TRPM2: variants seen among roughly 807,000 people sequenced by gnomAD.
TRPM2 encodes transient receptor potential cation channel subfamily M member 2.
A neutral mutation model predicts 174.0 loss-of-function variants in TRPM2; 161 were observed. The observed-to-expected ratio is 0.93, with a 90% CI of 0.81 to 1.05. TRPM2 has a LOEUF of 1.05. TRPM2 is among the 50% of genes least tolerant of loss of function. The pLI is 0.00. For missense variants in TRPM2, 2,057 were observed against 2,038.0 expected (o/e 1.01, Z -0.18); for synonymous variants, 954 against 861.3 (o/e 1.11, Z -1.88).
rs2048406383 is a variant in TRPM2, at chr21:44,367,888, C to T, written c.604+954C>T. On this transcript the variant is annotated intron_variant, in intron 4 of 31. Coordinates refer to ENST00000397928, the MANE Select transcript of TRPM2 (RefSeq NM_003307.4). The surrounding 1 kb of genome is among the most constrained non-coding windows in gnomAD (Gnocchi z 4.6). Reference sequence around the variant, plus strand: ...TAAAATGACCAGACCTTTTCTCAGCCTGGTCACATGGGACTGGGTTTAACG... The same window carrying T: ...TAAAATGACCAGACCTTTTCTCAGCTTGGTCACATGGGACTGGGTTTAACG... Among the ~76,000 whole-genome samples, 1 of 152,210 alleles carries T rather than the reference C, an allele frequency of 6.6e-6. No homozygotes were observed. Among genetic ancestry groups the T allele is most frequent in the Non-Finnish European group, 1.5e-5 (1 of 68,044 alleles).
chr21:44,398,563 G>A (rs1380934951), intron 13 of TRPM2, among the ~76,000 whole-genome samples: 1 of 152,070 alleles, frequency 6.6e-6, no homozygotes, highest in Non-Finnish European at 1.5e-5. Flanking sequence ...AGTACTGATT[G>A]GTTGGGCCAG....
rs2276094 is a variant in TRPM2, at chr21:44,382,522, C to T, written c.1216-196C>T. On this transcript the variant is annotated intron_variant, in intron 8 of 31. Transcript: ENST00000397928. ...GTGTTTTCCACCCAACAGACTCTCA[C>T]GAACATGATGTATTTGGTCCCCATG... 6.6e-3 allele frequency among the ~76,000 whole-genome samples: 1,001 copies of T among 152,244 alleles called. 13 individuals are homozygous for T. Among genetic ancestry groups the T allele is most frequent in the Admixed American group, 0.022 (333 of 15,292 alleles).
rs1323137608 is a variant in TRPM2, at chr21:44,354,700, T to A, written c.218T>A (p.Val73Glu). 6.2e-7 allele frequency: 1 copy of A among 1,614,134 alleles called. No homozygotes were observed. Among genetic ancestry groups the A allele is most frequent in the Non-Finnish European group, 8.5e-7 (1 of 1,180,008 alleles). ...IPENIKKKEC[V>E]YFVESSKLSD... The stretch of plus-strand genomic sequence containing the variant: ...GAAAACATCAAGAAGAAAGAATGCG[T>A]GTATTTTGTGGAAAGTTCCAAACTG... The change falls in exon 2 of 32, where the codon GTG becomes GAG. Residue 73 changes from valine to glutamate, a missense_variant. Val to Glu is a moderately radical substitution (Grantham distance 121). Coordinates refer to ENST00000397928, the MANE Select transcript of TRPM2 (RefSeq NM_003307.4). This position sits in a 1 kb window ranked among gnomAD's most constrained non-coding sequence, Gnocchi z 4.3.
chr21:44,379,739 G>T (rs1483168019), intron 8 of TRPM2, among the ~76,000 whole-genome samples: 1 of 152,178 alleles, frequency 6.6e-6, no homozygotes, highest in Non-Finnish European at 1.5e-5. Flanking sequence ...GCCAGCCCTG[G>T]CCACCCCACC....
Position 44,417,171 on chromosome 21 carries a change from CTG to C in TRPM2, c.3147-753_3147-752del, listed in dbSNP as rs1327812575. Among the ~76,000 whole-genome samples, 9 of 137,506 alleles carry C rather than the reference CTG, an allele frequency of 6.5e-5. 1 individual carries two copies. Among genetic ancestry groups the C allele is most frequent in the Non-Finnish European group, 9.3e-5 (6 of 64,256 alleles). 90.2% of individuals were successfully genotyped at this position (137,506 alleles called of 152,430 possible). A position where few individuals can be genotyped will look rare whatever the true frequency, so the allele number is the denominator to read the frequency against. ...GGGCACGTGGGCGTGGCTCTGCTATCTGTGGCATCACAGTGGGCACGTGGGCG... is the reference window on the plus strand; with the variant it reads ...GGGCACGTGGGCGTGGCTCTGCTATCTGGCATCACAGTGGGCACGTGGGCG... On this transcript the variant is annotated intron_variant, in intron 20 of 31. Coordinates refer to ENST00000397928, the MANE Select transcript of TRPM2 (RefSeq NM_003307.4).
chr21:44,401,430 G>T (rs929212342), intron 15 of TRPM2, among the ~76,000 whole-genome samples: 6 of 152,180 alleles, frequency 3.9e-5, no homozygotes, highest in African/African-American at 1.4e-4. Flanking sequence ...GCGTCAGCGG[G>T]CATCCCTGTG....
chr21:44,375,201 C>T (rs1032977418), intron 5 of TRPM2, among the ~76,000 whole-genome samples: 7 of 152,228 alleles, frequency 4.6e-5, no homozygotes, highest in Middle Eastern at 3.2e-3. Flanking sequence ...TGAGCCACCG[C>T]GCCCGTCTCC....
In TRPM2 at chr21:44,376,614, A is replaced by G. The variant is rs1454099038; in HGVS notation, c.952+601A>G. On this transcript the variant is annotated intron_variant, in intron 6 of 31. Transcript: ENST00000397928. The surrounding 1 kb of genome is among the most constrained non-coding windows in gnomAD (Gnocchi z 4.2). ...AGAAATCAGAATGTACGATAGTCAA[A>G]ACTTAGGATTTGATACCTTTTTCCT... is the stretch of plus-strand genomic sequence containing the variant. Among the ~76,000 whole-genome samples, 1 of 152,192 alleles carries G rather than the reference A, an allele frequency of 6.6e-6. No homozygotes were observed. Among genetic ancestry groups the G allele is most frequent in the Non-Finnish European group, 1.5e-5 (1 of 68,038 alleles).
At chr21:44,383,223 T>G (rs1007964875) in intron 9 of TRPM2, among the ~76,000 whole-genome samples, 1 of 152,050 alleles carries the variant, frequency 6.6e-6, no homozygotes, top group Non-Finnish European at 1.5e-5. Context: ...GTGATGGACT[T>G]GAGCTGTAGT....
intron 15 of TRPM2, 51 bp downstream of exon 15, chr21:44,400,422 A>G: frequency 1.3e-6 from 2 of 1,515,774 alleles, no homozygotes; most frequent in Non-Finnish European, 1.8e-6. Context: ...GGGCTGCGGG[A>G]GAGGCTCCTG....
chr21:44,413,012 T>C (rs2050153879), intron 19 of TRPM2, among the ~76,000 whole-genome samples: 1 of 152,120 alleles, frequency 6.6e-6, no homozygotes, highest in South Asian at 2.1e-4. Flanking sequence ...AGTTAACTAC[T>C]GTTAACAACT....
In TRPM2 at chr21:44,353,832, G is replaced by T; in HGVS notation, c.132G>T (p.Trp44Cys). 6.2e-7 allele frequency: 1 copy of T among 1,601,672 alleles called. No homozygotes were observed. The highest frequency in any genetic ancestry group is 8.5e-7 in the Non-Finnish European group (1 of 1,174,876). Residue 44 changes from tryptophan (W) to cysteine (C), a missense_variant, in exon 1 of 32, where the codon TGG (tryptophan) becomes TGT (cysteine). By Grantham distance (215) the Trp-to-Cys change is radical (BLOSUM62 -2). Transcript: ENST00000397928. Reference protein sequence around the residue: ...RRSNSSLFKSWRLQCPFGNND... With the variant: ...RRSNSSLFKSCRLQCPFGNND... ...GCAACAGCAGCCTCTTCAAGAGCTG[G>T]AGGCTACAGTGCCCCTTCGGCAACA... is the stretch of plus-strand genomic sequence containing the variant.
intron 11 of TRPM2, among the ~76,000 whole-genome samples, chr21:44,394,158 C>T (rs149460893): frequency 0.012 from 1,825 of 152,124 alleles, 11 homozygotes; most frequent in Admixed American, 0.016. Flanking sequence ...CGTGAGCCAC[C>T]GTGCCAGGCC....
chr21:44,381,057 A>C (rs2048865813), intron 8 of TRPM2, among the ~76,000 whole-genome samples: 1 of 151,822 alleles, frequency 6.6e-6, no homozygotes, highest in South Asian at 2.1e-4. Context: ...GGAGCTCAGG[A>C]TGTGTTTTGG....
rs146580790 is a variant in TRPM2 at position 44,401,097 on chromosome 21, G to A, written c.2322-584G>A. Among the ~76,000 whole-genome samples the A allele has an allele frequency of 3.3e-4, 51 of 152,268 alleles. 1 individual carries two copies. In the East Asian group the frequency reaches 9.3e-3, roughly 28 times the overall value. On this transcript the variant is annotated intron_variant, in intron 15 of 31. Transcript: ENST00000397928. Reference sequence around the variant, plus strand: ...GTGGGAAACTGAGGCAGGGAGGAGCGGCTCAGGTGTCCTAAAGCAGTGCTG... The same window carrying A: ...GTGGGAAACTGAGGCAGGGAGGAGCAGCTCAGGTGTCCTAAAGCAGTGCTG...
At chr21:44,426,417 C>T (rs532316203) in intron 25 of TRPM2, among the ~76,000 whole-genome samples, 109 of 152,158 alleles carry the variant, frequency 7.2e-4, no homozygotes, top group Non-Finnish European at 1.3e-3. Flanking sequence ...CCAAGGCCCC[C>T]AAGTCACGGC....
At chr21:44,375,265 C>T (rs45590835) in intron 5 of TRPM2, among the ~76,000 whole-genome samples, 24,301 of 152,228 alleles carry the variant, frequency 0.16, 2,246 homozygotes, top group Non-Finnish European at 0.2. Context: ...GACGTTGAGA[C>T]GTTTTCCATT....
chr21:44,439,790 T>C lies in TRPM2; in HGVS notation c.4269+622T>C, dbSNP rs935837674. On this transcript the variant is annotated intron_variant, in intron 30 of 31. Coordinates refer to ENST00000397928, the MANE Select transcript of TRPM2 (RefSeq NM_003307.4). The surrounding 1 kb of genome is among the most constrained non-coding windows in gnomAD (Gnocchi z 5.1). ...AGGCTAGAGTGCAGTGGTGCGATCT[T>C]GGCTTGCTGCAGCCTCCACCTCCCG... Among the ~76,000 whole-genome samples, 4 of 152,168 alleles carry C rather than the reference T, an allele frequency of 2.6e-5. No homozygotes were observed. Among genetic ancestry groups the C allele is most frequent in the African/African-American group, 9.6e-5 (4 of 41,458 alleles).
rs1157437503 is a variant in TRPM2, at chr21:44,413,908, G to GAGC, written c.2982_2984dup (p.Glu994_His995insGln). On this transcript the variant is annotated inframe_insertion, in exon 20 of 32. Transcript: ENST00000397928. Reference sequence around the variant, plus strand: ...AACGCCAGGTGTGAACTTCAACCCGGAGCACTGCAGCCCCAATGGCACCGA... The same window carrying GAGC: ...AACGCCAGGTGTGAACTTCAACCCGGAGCAGCACTGCAGCCCCAATGGCACCGA... 1 of 1,612,742 alleles carries GAGC rather than the reference G, an allele frequency of 6.2e-7. No individual in the cohort carries two copies. Among genetic ancestry groups the GAGC allele is most frequent in the Non-Finnish European group, 8.5e-7 (1 of 1,179,030 alleles).
Sources: allele counts gnomAD v4.1 joint callset (sites outside exome capture counted in the v4.1 genomes callset), GRCh38; gene constraint gnomAD v4.1.1; non-coding constraint Gnocchi (gnomAD v3.1); transcripts MANE v1.5; gene names NCBI Gene and HGNC (gene_info 2026-07-23, HGNC 2026-07-21).